Variants in FARP2 observed in about 807,000 individuals in gnomAD.
FARP2 encodes the protein FERM, ARH/RhoGEF and pleckstrin domain protein 2, also known as FERM, ARHGEF and pleckstrin domain-containing protein 2.
FARP2 carries 111 observed loss-of-function variants against 130.5 expected under a neutral mutation model. The ratio of observed to expected loss-of-function variants is 0.85; its 90% CI spans 0.73 to 1.00. The LOEUF (loss-of-function observed/expected upper bound fraction) is 1.00. FARP2 is among the 50% of genes least tolerant of loss of function. FARP2 has a pLI of 0.00. For missense variants in FARP2, 1,385 were observed against 1,346.3 expected (o/e 1.03, Z -0.45); for synonymous variants, 504 against 516.9 (o/e 0.98, Z 0.34).
At position 241,441,523 on chromosome 2, in the gene FARP2, C is replaced by T. The variant is rs562576527; in HGVS notation, c.1378C>T (p.Pro460Ser). 8.9e-5 allele frequency: 144 copies of T among 1,614,104 alleles called. 3 individuals are homozygous for T. In the South Asian group the frequency reaches 1.4e-3, roughly 16 times the overall value. ...AGGPDTPSAQPLGPPALQPGP... is the reference protein window; with the variant it reads ...AGGPDTPSAQSLGPPALQPGP... ...AGGCCCCGACACACCATCGGCCCAG[C>T]CCCTCGGGCCCCCCGCACTCCAGCC... The change falls in exon 13 of 27, where the codon CCC (proline) becomes TCC (serine). Residue 460 changes from proline to serine, a missense_variant. Transcript: ENST00000264042.
intron 22 of FARP2, among the ~76,000 whole-genome samples, chr2:241,490,778 T>C (rs1320586215): frequency 6.6e-6 from 1 of 152,172 alleles, no homozygotes; most frequent in African/African-American, 2.4e-5. Flanking sequence ...GAGAACATCA[T>C]TTCAGGAACA....
At chr2:241,458,638 G>T (rs1187504655) in intron 14 of FARP2, among the ~76,000 whole-genome samples, 1 of 151,928 alleles carries the variant, frequency 6.6e-6, no homozygotes, top group Non-Finnish European at 1.5e-5. Context: ...ATTTTATTTT[G>T]GAAACCTAAT....
intron 13 of FARP2, among the ~76,000 whole-genome samples, chr2:241,448,408 T>A (rs1216976832): frequency 6.6e-6 from 1 of 152,266 alleles, no homozygotes; most frequent in Non-Finnish European, 1.5e-5. Context: ...AATATGTCAG[T>A]TCAGATTATA....
intron 13 of FARP2, among the ~76,000 whole-genome samples, chr2:241,451,378 C>T (rs544444917): frequency 6.6e-6 from 1 of 152,262 alleles, no homozygotes; most frequent in Admixed American, 6.5e-5. Flanking sequence ...GTGATCCATC[C>T]CAGCAAAAGT....
At chr2:241,453,145 C>T (rs2063712493) in intron 13 of FARP2, among the ~76,000 whole-genome samples, 1 of 149,540 alleles carries the variant, frequency 6.7e-6, no homozygotes, top group African/African-American at 2.5e-5. Flanking sequence ...ACCTGGCCAA[C>T]ATGGTGAAAC....
intron 1 of FARP2, among the ~76,000 whole-genome samples, chr2:241,360,660 C>G (rs189388912): frequency 0.013 from 1,805 of 136,828 alleles, 31 homozygotes; most frequent in African/African-American, 0.048. Context: ...GGTGACAGAG[C>G]GAGACTCTGT....
In FARP2 at chr2:241,483,604, G is replaced by A. The variant is rs992720518; in HGVS notation, c.2331+71G>A. 7.4e-6 allele frequency: 11 copies of A among 1,487,272 alleles called. No homozygotes were observed. In the East Asian group the frequency reaches 9.0e-5, roughly 12 times the overall value. 92.1% of individuals were successfully genotyped at this position (1,487,272 alleles called of 1,614,324 possible). A position where few individuals can be genotyped will look rare whatever the true frequency, so the allele number is the denominator to read the frequency against. On this transcript the variant is annotated intron_variant, in intron 20 of 26. Transcript: ENST00000264042. ...GGGCAGCAGTTCTGTTAGGGACATC[G>A]CCTGCAGCGGCAGCCCATTGGCCTC...
intron 8 of FARP2, among the ~76,000 whole-genome samples, chr2:241,426,096 T>C (rs1480275910): frequency 6.6e-6 from 1 of 152,020 alleles, no homozygotes; most frequent in East Asian, 1.9e-4. Context: ...GAACTAAAAG[T>C]GAGAAAGAAG....
At chr2:241,410,261 C>T (rs1306589479) in intron 5 of FARP2, among the ~76,000 whole-genome samples, 1 of 152,136 alleles carries the variant, frequency 6.6e-6, no homozygotes, top group Non-Finnish European at 1.5e-5. Context: ...CACAGCCATG[C>T]TTTAAGCTGT....
intron 7 of FARP2, among the ~76,000 whole-genome samples, chr2:241,416,220 G>A (rs1039924922): frequency 1.3e-5 from 2 of 152,038 alleles, no homozygotes; most frequent in African/African-American, 2.4e-5. Flanking sequence ...CTGTGTCTCT[G>A]CATGTGTGTG....
chr2:241,469,791 A>G (rs1456211720), intron 18 of FARP2, among the ~76,000 whole-genome samples: 1 of 152,234 alleles, frequency 6.6e-6, no homozygotes, highest in Non-Finnish European at 1.5e-5. Flanking sequence ...GGCCACATCT[A>G]CCATGTGCTT....
At chr2:241,368,411 G>A (rs1399098516) in intron 1 of FARP2, among the ~76,000 whole-genome samples, 5 of 152,232 alleles carry the variant, frequency 3.3e-5, no homozygotes, top group African/African-American at 9.6e-5. Flanking sequence ...AACATGGTGC[G>A]CCAAGGACTG....
At chr2:241,359,786 T>G (rs943295586) in intron 1 of FARP2, among the ~76,000 whole-genome samples, 29 of 152,366 alleles carry the variant, frequency 1.9e-4, no homozygotes, top group African/African-American at 5.5e-4. Context: ...TTGAGGCCGC[T>G]TGTGGAGCTG....
intron 14 of FARP2, among the ~76,000 whole-genome samples, chr2:241,457,820 G>T (rs931924987): frequency 6.6e-6 from 1 of 152,134 alleles, no homozygotes; most frequent in Non-Finnish European, 1.5e-5. Flanking sequence ...GAGGCTCTTG[G>T]GCGGGAGACC....
At chr2:241,442,461 A>G (rs2063412874) in intron 13 of FARP2, 2 of 456,706 alleles carry the variant, frequency 4.4e-6, no homozygotes, top group Non-Finnish European at 8.8e-6. Flanking sequence ...GTGGAGAAAG[A>G]GTCCCTTTTG....
chr2:241,360,501 C>T (rs946027412), intron 1 of FARP2, among the ~76,000 whole-genome samples: 51 of 151,834 alleles, frequency 3.4e-4, no homozygotes, highest in Admixed American at 2.6e-4. Context: ...TGAAACCCCC[C>T]GTCTCTACTA....
chr2:241,404,864 T>TAA, intron 4 of FARP2, 23 bp downstream of exon 4: 1 of 1,581,198 alleles, frequency 6.3e-7, no homozygotes, highest in East Asian at 2.2e-5. Context: ...TTTGACTCTT[T>TAA]AAAATCTGTT....
rs1158664512 is a variant in FARP2 at position 241,404,783 on chromosome 2, G to A, written c.289-16G>A. On this transcript the variant is annotated splice_polypyrimidine_tract_variant and intron_variant, in intron 3 of 26. Coordinates refer to ENST00000264042, the MANE Select transcript of FARP2 (RefSeq NM_014808.4). ...TTATTTAATAGATTGGATTTCTTCT[G>A]TTAACTCTTCTTTAGATTTGGCTTG... 1 of 1,585,534 alleles carries A rather than the reference G, an allele frequency of 6.3e-7. No individual in the cohort carries two copies. The highest frequency in any genetic ancestry group is 1.1e-5 in the South Asian group (1 of 90,210).
chr2:241,447,867 T>C (rs966354545), intron 13 of FARP2, among the ~76,000 whole-genome samples: 1 of 152,146 alleles, frequency 6.6e-6, no homozygotes, highest in Non-Finnish European at 1.5e-5. Context: ...TTTCGGACCT[T>C]GGAGCAGCAC....
Sources: gnomAD v4.1 joint callset for allele counts (sites outside exome capture counted in the v4.1 genomes callset) on GRCh38, gnomAD v4.1.1 for gene constraint, MANE v1.5 for transcripts, NCBI Gene and HGNC (gene_info 2026-07-23, HGNC 2026-07-21) for gene names.